CYYR1: variants seen among roughly 807,000 people sequenced by gnomAD.
CYYR1 encodes cysteine and tyrosine-rich protein 1.
In CYYR1, 14 loss-of-function variants were observed where a neutral mutation model predicts 15.2. The observed-to-expected ratio is 0.92, with a 90% confidence interval of 0.61 to 1.44. The LOEUF is 1.44. Among genes scored for constraint, CYYR1 ranks in the 40% most tolerant of loss-of-function variants. The pLI is 0.00. For missense variants in CYYR1, 228 were observed against 209.5 expected (o/e 1.09, Z -0.54); for synonymous variants, 80 against 77.4 (o/e 1.03, Z -0.18).
intron 1 of CYYR1, among the ~76,000 whole-genome samples, chr21:26,572,601 C>T (rs1981077647): frequency 6.6e-6 from 1 of 152,076 alleles, no homozygotes; most frequent in African/African-American, 2.4e-5. Context: ...GAGTCAAATC[C>T]CCTAAACACG....
chr21:26,495,383 C>CA (rs2065384603), intron 2 of CYYR1, among the ~76,000 whole-genome samples: 1 of 152,190 alleles, frequency 6.6e-6, no homozygotes, highest in African/African-American at 2.4e-5. Context: ...TTCCCAGCTT[C>CA]CCACGCGTCT....
intron 2 of CYYR1, 64 bp from the exon 3 acceptor site, chr21:26,480,493 G>C: frequency 6.8e-7 from 1 of 1,479,436 alleles, no homozygotes. Context: ...CTTTCTAGTA[G>C]AGCTCCATGA....
intron 2 of CYYR1, among the ~76,000 whole-genome samples, chr21:26,506,323 C>T (rs1159664482): frequency 2.0e-5 from 3 of 152,144 alleles, no homozygotes; most frequent in Admixed American, 6.5e-5. Flanking sequence ...TGCATTGTGA[C>T]GTTCTTCTGA....
chr21:26,524,053 C>T (rs1187263641), intron 2 of CYYR1, among the ~76,000 whole-genome samples: 4 of 152,106 alleles, frequency 2.6e-5, no homozygotes, highest in Admixed American at 2.0e-4. Context: ...TTCTAAGGTC[C>T]AGGTTTACCA....
chr21:26,513,702 A>G (rs1472652702), intron 2 of CYYR1, among the ~76,000 whole-genome samples: 3 of 152,132 alleles, frequency 2.0e-5, no homozygotes, highest in African/African-American at 7.2e-5. Flanking sequence ...TGTGGAGTTT[A>G]GCAAGGAGAG....
chr21:26,506,106 C>T (rs533557791), intron 2 of CYYR1, among the ~76,000 whole-genome samples: 5 of 152,234 alleles, frequency 3.3e-5, no homozygotes, highest in East Asian at 3.9e-4. Context: ...TACAGTCAAT[C>T]GACCACCCAT....
At chr21:26,505,264 G>C (rs970543772) in intron 2 of CYYR1, among the ~76,000 whole-genome samples, 2 of 152,072 alleles carry the variant, frequency 1.3e-5, no homozygotes, top group African/African-American at 4.8e-5. Context: ...AAATTATTTT[G>C]AATTAATATT....
intron 2 of CYYR1, chr21:26,482,610 A>G: frequency 1.7e-6 from 1 of 598,290 alleles, no homozygotes; most frequent in Non-Finnish European, 2.1e-6. Flanking sequence ...AAAGGAAAGT[A>G]GATTTTTCAA....
At chr21:26,529,998 C>T (rs1320258084) in intron 2 of CYYR1, among the ~76,000 whole-genome samples, 2 of 152,178 alleles carry the variant, frequency 1.3e-5, no homozygotes, top group Non-Finnish European at 2.9e-5. Flanking sequence ...AACGGAAATA[C>T]TGACATATGT....
In CYYR1 at chr21:26,566,118, G is replaced by C. The variant is rs945479327; in HGVS notation, c.176+148C>G. 4 of 576,746 alleles carry C rather than the reference G, an allele frequency of 6.9e-6. No individual in the cohort carries two copies. The East Asian group carries it at 8.4e-5, about 12-fold the overall frequency. The allele number at this position is 576,746 out of a possible 1,614,324, so 35.7% of individuals were successfully genotyped here. On this transcript the variant is annotated intron_variant, in intron 2 of 3. Coordinates refer to ENST00000652641, the MANE Select transcript of CYYR1 (RefSeq NM_001320768.2). Reference sequence around the variant, plus strand: ...ACAATATAGTCCATTAGATAGCGATGTGTTAATATCTCCAGTAAAGATTTC... The same window carrying C: ...ACAATATAGTCCATTAGATAGCGATCTGTTAATATCTCCAGTAAAGATTTC...
chr21:26,572,375 T>C (rs1981060736), intron 1 of CYYR1, among the ~76,000 whole-genome samples: 1 of 152,194 alleles, frequency 6.6e-6, no homozygotes, highest in South Asian at 2.1e-4. Flanking sequence ...GATTAGACCC[T>C]GGGTGAATTC....
At chr21:26,572,004 A>G (rs1420488799) in intron 1 of CYYR1, among the ~76,000 whole-genome samples, 2 of 152,254 alleles carry the variant, frequency 1.3e-5, no homozygotes, top group Non-Finnish European at 2.9e-5. Flanking sequence ...TTTCAGTTGC[A>G]ATATCTTTTT....
At chr21:26,525,260 C>A (rs1298198149) in intron 2 of CYYR1, among the ~76,000 whole-genome samples, 1 of 151,644 alleles carries the variant, frequency 6.6e-6, no homozygotes, top group Non-Finnish European at 1.5e-5. Flanking sequence ...CAATGAGTTT[C>A]TACCTTTATG....
chr21:26,498,155 A>G (rs1032402324), intron 2 of CYYR1, among the ~76,000 whole-genome samples: 1 of 152,190 alleles, frequency 6.6e-6, no homozygotes, highest in African/African-American at 2.4e-5. Context: ...GGATACAACA[A>G]TGATCTAGAA....
At chr21:26,504,057 T>C (rs1272788347) in intron 2 of CYYR1, among the ~76,000 whole-genome samples, 1 of 152,140 alleles carries the variant, frequency 6.6e-6, no homozygotes, top group East Asian at 1.9e-4. Flanking sequence ...AGAGGAGACA[T>C]GATGCAGCCA....
intron 3 of CYYR1, among the ~76,000 whole-genome samples, chr21:26,478,309 C>T (rs955102553): frequency 1.3e-5 from 2 of 152,058 alleles, no homozygotes; most frequent in African/African-American, 4.8e-5. Context: ...TCAGGGCAGA[C>T]TCCATTCAGG....
intron 2 of CYYR1, among the ~76,000 whole-genome samples, chr21:26,548,027 C>T (rs1193838298): frequency 6.6e-6 from 1 of 152,160 alleles, no homozygotes; most frequent in Non-Finnish European, 1.5e-5. Flanking sequence ...CACTATTTTA[C>T]ATCTATTACA....
In CYYR1 at chr21:26,573,106, G is replaced by A. The variant is rs766812419; in HGVS notation, c.-166C>T. On this transcript the variant is annotated 5_prime_UTR_variant, in exon 1 of 4. It adds an upstream start codon to the 5' untranslated region. Transcript: ENST00000652641. The stretch of plus-strand genomic sequence containing the variant: ...TTCCAAGGGAGCCCGGGCCGGGCGC[G>A]TCCCGGGCCAGCGACTGCGGGACTC... 153 of 1,516,614 alleles carry A rather than the reference G, an allele frequency of 1.0e-4. No homozygotes were observed. In the African/African-American group the frequency reaches 1.9e-3, roughly 19 times the overall value. The allele number at this position is 1,516,614 out of a possible 1,614,324, so 93.9% of individuals were successfully genotyped here. A position where few individuals can be genotyped will look rare whatever the true frequency, so the allele number is the denominator to read the frequency against.
intron 1 of CYYR1, among the ~76,000 whole-genome samples, chr21:26,570,331 C>T (rs956286306): frequency 6.6e-6 from 1 of 152,172 alleles, no homozygotes; most frequent in African/African-American, 2.4e-5. Flanking sequence ...CACCCTGCCT[C>T]CCACCTTAAG....
Sources: allele counts gnomAD v4.1 joint callset (sites outside exome capture counted in the v4.1 genomes callset), GRCh38; gene constraint gnomAD v4.1.1; transcripts MANE v1.5; gene names NCBI Gene and HGNC (gene_info 2026-07-23, HGNC 2026-07-21).